Variants in ANGPTL8 observed in about 807,000 individuals in gnomAD.
The protein encoded by ANGPTL8 is angiopoietin-like protein 8.
Under a neutral mutation model 22.6 loss-of-function variants are expected in ANGPTL8, and 24 were observed. The observed-to-expected ratio is 1.06, with a 90% confidence interval of 0.77 to 1.49. ANGPTL8 has a LOEUF of 1.49. ANGPTL8 is among the 40% of genes most tolerant of loss of function. The pLI is 0.00. For synonymous variants in ANGPTL8, 88 were observed against 113.4 expected (o/e 0.78, Z 1.42); for missense variants, 230 against 259.6 (o/e 0.89, Z 0.78).
chr19:11,241,677 T>A lies in ANGPTL8; in HGVS notation c.587T>A (p.Leu196His). The change falls in exon 4 of 4, where the codon CTC becomes CAC. Residue 196 changes from leucine to histidine, a missense_variant. Coordinates refer to ENST00000252453, the MANE Select transcript of ANGPTL8 (RefSeq NM_018687.7). ...QIQERLHTAA[L>H]PA is the part of the protein sequence containing the mutation. ...CTCCCCAGACTCCACACAGCGGCGC[T>A]CCCAGCCTGAATCTGCCTGGATGGA... 6.3e-7 allele frequency: 1 copy of A among 1,583,462 alleles called. No individual in the cohort carries two copies. The highest frequency in any genetic ancestry group is 8.6e-7 in the Non-Finnish European group (1 of 1,165,786).
In ANGPTL8 at chr19:11,239,675, C is replaced by T. The variant is rs1254309234; in HGVS notation, c.38C>T (p.Ala13Val). The change falls in exon 1 of 4, where the codon GCA becomes GTA. Residue 13 changes from alanine (A) to valine (V), a missense_variant. By Grantham distance (64) the Ala-to-Val change is moderately conservative (BLOSUM62 0). Transcript: ENST00000252453. Reference sequence around the variant, plus strand: ...GCTCTGTGCCTGCTCTGGGCCCTGGCAATGGTGACCCGGCCTGCCTCAGCG... The same window carrying T: ...GCTCTGTGCCTGCTCTGGGCCCTGGTAATGGTGACCCGGCCTGCCTCAGCG... ...VPALCLLWAL[A>V]MVTRPASAAP... 6.2e-7 allele frequency: 1 copy of T among 1,613,754 alleles called. No individual in the cohort carries two copies. Among genetic ancestry groups the T allele is most frequent in the South Asian group, 1.1e-5 (1 of 91,080 alleles).
chr19:11,240,466 T>C (rs780895797), intron 2 of ANGPTL8, among the ~76,000 whole-genome samples, 170 bp downstream of exon 2: 13 of 152,158 alleles, frequency 8.5e-5, no homozygotes, highest in Non-Finnish European at 1.6e-4. Flanking sequence ...AGTTTCCCTT[T>C]TGTGTGCCTC....
In ANGPTL8 at chr19:11,240,117, C is replaced by T. The variant is rs765612211; in HGVS notation, c.298-18C>T. ...ATGAGTTGGACATCCTACTAGTGAC[C>T]CACTGTTTATTAAGCAGATGGAGGA... On this transcript the variant is annotated intron_variant, in intron 1 of 3. Coordinates refer to ENST00000252453, the MANE Select transcript of ANGPTL8 (RefSeq NM_018687.7). 6.4e-7 allele frequency: 1 copy of T among 1,551,302 alleles called. No individual in the cohort carries two copies.
Position 11,241,646 on chromosome 19 carries a change from A to G in ANGPTL8, c.570-14A>G, listed in dbSNP as rs1177813164. 6.4e-7 allele frequency: 1 copy of G among 1,573,016 alleles called. No homozygotes were observed. Among genetic ancestry groups the G allele is most frequent in the South Asian group, 1.2e-5 (1 of 85,164 alleles). ...GGCCCCCTCACCTGGGCTGAGCCACATCTCCCTCCCCAGACTCCACACAGC... is the reference window on the plus strand; with the variant it reads ...GGCCCCCTCACCTGGGCTGAGCCACGTCTCCCTCCCCAGACTCCACACAGC... On this transcript the variant is annotated splice_polypyrimidine_tract_variant and intron_variant, in intron 3 of 3. Transcript: ENST00000252453.
Position 11,239,631 on chromosome 19 carries a change from C to T in ANGPTL8, c.-7C>T, listed in dbSNP as rs1373168046. The T allele has an allele frequency of 1.2e-6, 2 of 1,613,692 alleles. No individual in the cohort carries two copies. Among genetic ancestry groups the T allele is most frequent in the South Asian group, 1.1e-5 (1 of 91,054 alleles). Reference sequence around the variant, plus strand: ...CAGTGCTGTGGCTATACCTTAGACCCTCAGTCATGCCAGTGCCTGCTCTGT... The same window carrying T: ...CAGTGCTGTGGCTATACCTTAGACCTTCAGTCATGCCAGTGCCTGCTCTGT... On this transcript the variant is annotated 5_prime_UTR_variant, in exon 1 of 4. Coordinates refer to ENST00000252453, the MANE Select transcript of ANGPTL8 (RefSeq NM_018687.7).
intron 2 of ANGPTL8, among the ~76,000 whole-genome samples, chr19:11,240,704 T>C (rs1836003): frequency 0.58 from 87,479 of 151,246 alleles, 26,968 homozygotes; most frequent in African/African-American, 0.81. Context: ...CTCAGCCTCC[T>C]GAGTAGCTGG....
Position 11,239,624 on chromosome 19 carries a change from T to G in ANGPTL8, c.-14T>G. ...TCAGTGACAGTGCTGTGGCTATACC[T>G]TAGACCCTCAGTCATGCCAGTGCCT... On this transcript the variant is annotated 5_prime_UTR_variant, in exon 1 of 4. Transcript: ENST00000252453. 6.2e-7 allele frequency: 1 copy of G among 1,613,664 alleles called. No individual in the cohort carries two copies. The highest frequency in any genetic ancestry group is 8.5e-7 in the Non-Finnish European group (1 of 1,179,834).
intron 2 of ANGPTL8, 35 bp downstream of exon 2, chr19:11,240,331 CCT>C: frequency 6.0e-6 from 9 of 1,504,002 alleles, no homozygotes; most frequent in Non-Finnish European, 8.0e-6. Flanking sequence ...GGGCTGAGAC[CCT>C]GATTTCCGGC....
In ANGPTL8 at chr19:11,241,561, C is replaced by T; in HGVS notation, c.569+7C>T. On this transcript the variant is annotated splice_region_variant and intron_variant, in intron 3 of 3. Coordinates refer to ENST00000252453, the MANE Select transcript of ANGPTL8 (RefSeq NM_018687.7). ...TGCGACAGATCCAGGAGAGGTGAGC[C>T]TGGCAGGGGTTTGGCAGGCAGGGCA... 1 of 1,554,002 alleles carries T rather than the reference C, an allele frequency of 6.4e-7. No individual in the cohort carries two copies. Among genetic ancestry groups the T allele is most frequent in the African/African-American group, 1.4e-5 (1 of 73,252 alleles).
intron 2 of ANGPTL8, among the ~76,000 whole-genome samples, chr19:11,240,878 C>T (rs1033137108): frequency 1.3e-5 from 2 of 151,390 alleles, no homozygotes; most frequent in Admixed American, 1.3e-4. Context: ...CCAATAAATT[C>T]TTACTACTAG....
intron 1 of ANGPTL8, 34 bp downstream of exon 1, chr19:11,239,968 CAGG>C (rs1454297616): frequency 1.3e-6 from 2 of 1,558,708 alleles, no homozygotes; most frequent in African/African-American, 2.7e-5. Flanking sequence ...GTGGGGTGGC[CAGG>C]AGTCCAAAGA....
rs938750315 is a variant in ANGPTL8 at position 11,239,723 on chromosome 19, T to C, written c.86T>C (p.Leu29Pro). Residue 29 changes from leucine (L) to proline (P), a missense_variant, in exon 1 of 4, where the codon CTG becomes CCG. Coordinates refer to ENST00000252453, the MANE Select transcript of ANGPTL8 (RefSeq NM_018687.7). ...GCGGCCCCCATGGGCGGCCCAGAAC[T>C]GGCACAGCATGAGGAGCTGACCCTG... is the stretch of plus-strand genomic sequence containing the variant. ...ASAAPMGGPE[L>P]AQHEELTLLF... 5 of 1,613,486 alleles carry C rather than the reference T, an allele frequency of 3.1e-6. No individual in the cohort carries two copies. Among genetic ancestry groups the C allele is most frequent in the Non-Finnish European group, 4.2e-6 (5 of 1,179,786 alleles).
intron 3 of ANGPTL8, 40 bp from the exon 4 acceptor site, chr19:11,241,620 G>A: frequency 6.4e-7 from 1 of 1,563,168 alleles, no homozygotes; most frequent in South Asian, 1.2e-5. Flanking sequence ...AGCTGGAAAG[G>A]GGCCCCCTCA....
In ANGPTL8 at chr19:11,241,536, T is replaced by A. The variant is rs1225447846; in HGVS notation, c.551T>A (p.Leu184Gln). 5.2e-6 allele frequency: 8 copies of A among 1,552,922 alleles called. No individual in the cohort carries two copies. The highest frequency in any genetic ancestry group is 4.1e-5 in the African/African-American group (3 of 73,112). Reference protein sequence around the residue: ...RREMVAQQHRLRQIQERLHTA... With the variant: ...RREMVAQQHRQRQIQERLHTA... ...GAGATGGTGGCACAGCAGCATCGGC[T>A]GCGACAGATCCAGGAGAGGTGAGCC... The change falls in exon 3 of 4, where the codon CTG becomes CAG. Residue 184 changes from leucine to glutamine, a missense_variant. Coordinates refer to ENST00000252453, the MANE Select transcript of ANGPTL8 (RefSeq NM_018687.7).
Position 11,239,701 on chromosome 19 carries a change from G to A in ANGPTL8, c.64G>A (p.Ala22Thr). ...LAMVTRPASA[A>T]PMGGPELAQH... ...AATGGTGACCCGGCCTGCCTCAGCG[G>A]CCCCCATGGGCGGCCCAGAACTGGC... The change falls in exon 1 of 4, where the codon GCC becomes ACC. Residue 22 changes from alanine to threonine, a missense_variant. Coordinates refer to ENST00000252453, the MANE Select transcript of ANGPTL8 (RefSeq NM_018687.7). 6.2e-7 allele frequency: 1 copy of A among 1,613,616 alleles called. No homozygotes were observed.
rs1274482472 is a variant in ANGPTL8 at position 11,241,517 on chromosome 19, G to T, written c.532G>T (p.Val178Leu). The T allele has an allele frequency of 7.7e-6, 12 of 1,552,792 alleles. No individual in the cohort carries two copies. The highest frequency in any genetic ancestry group is 2.0e-5 in the Admixed American group (1 of 51,064). ...CGTGCAGCGGCAGAGGCGGGAGATG[G>T]TGGCACAGCAGCATCGGCTGCGACA... is the stretch of plus-strand genomic sequence containing the variant. ...GHVQRQRREM[V>L]AQQHRLRQIQ... Residue 178 changes from valine to leucine, a missense_variant, in exon 3 of 4, where the codon GTG (valine) becomes TTG (leucine). By Grantham distance (32) the Val-to-Leu change is conservative. Transcript: ENST00000252453.
Position 11,241,922 on chromosome 19 carries a change from A to T in ANGPTL8, c.*235A>T. On this transcript the variant is annotated 3_prime_UTR_variant, in exon 4 of 4. Transcript: ENST00000252453. ...CTTTCATGCCTACACACCCCTCATT[A>T]AAGCAGAGTCGTGGCATCTCACCCA... 7.4e-7 allele frequency: 1 copy of T among 1,352,242 alleles called. No individual in the cohort carries two copies. The highest frequency in any genetic ancestry group is 1.0e-6 in the Non-Finnish European group (1 of 993,800). 83.8% of individuals were successfully genotyped at this position (1,352,242 alleles called of 1,614,324 possible).
At chr19:11,241,369 G>A in intron 2 of ANGPTL8, 76 bp from the exon 3 acceptor site, 1 of 907,732 alleles carries the variant, frequency 1.1e-6, no homozygotes, top group South Asian at 1.5e-5. Flanking sequence ...CAGATACAAT[G>A]AGGGGCTGGG....
chr19:11,239,834 G>C lies in ANGPTL8; in HGVS notation c.197G>C (p.Ser66Thr), dbSNP rs866315955. 6.2e-7 allele frequency: 1 copy of C among 1,602,736 alleles called. No homozygotes were observed. The highest frequency in any genetic ancestry group is 1.3e-5 in the African/African-American group (1 of 74,884). Residue 66 changes from serine (S) to threonine (T), a missense_variant, in exon 1 of 4, where the codon AGC becomes ACC. Physicochemically the swap from Ser to Thr is moderately conservative, Grantham distance 58. Transcript: ENST00000252453. ...GGACGGCTGACAAAGGCCAGGAACA[G>C]CCTGGGTCTCTATGGCCGCACAATA... is the stretch of plus-strand genomic sequence containing the variant. ...TEGRLTKARN[S>T]LGLYGRTIEL...
Sources: allele counts gnomAD v4.1 joint callset (sites outside exome capture counted in the v4.1 genomes callset), GRCh38; gene constraint gnomAD v4.1.1; transcripts MANE v1.5; gene names NCBI Gene and HGNC (gene_info 2026-07-23, HGNC 2026-07-21).